Variants in VPS13C observed in about 807,000 individuals in gnomAD.
VPS13C encodes intermembrane lipid transfer protein VPS13C.
VPS13C carries 358 observed loss-of-function variants against 456.8 expected under a neutral mutation model. That is an observed-to-expected ratio of 0.78 (90% CI 0.72 to 0.86). VPS13C has a LOEUF of 0.86. VPS13C is among the 40% of genes least tolerant of loss of function. VPS13C has a pLI of 0.00. For synonymous variants in VPS13C, 1,578 were observed against 1,486.7 expected (o/e 1.06, Z -1.41); for missense variants, 4,818 against 4,385.4 (o/e 1.10, Z -2.79).
intron 53 of VPS13C, among the ~76,000 whole-genome samples, chr15:61,924,913 A>C (rs1312390400): frequency 6.6e-6 from 1 of 152,218 alleles, no homozygotes; most frequent in African/African-American, 2.4e-5. Flanking sequence ...CACGAGGTAT[A>C]CTTAAAGAAC....
chr15:61,983,923 G>A lies in VPS13C; in HGVS notation c.1811C>T (p.Thr604Ile), dbSNP rs759244477. The A allele has an allele frequency of 8.1e-6, 13 of 1,614,008 alleles. No homozygotes were observed. The highest frequency in any genetic ancestry group is 4.5e-5 in the East Asian group (2 of 44,882). The change falls in exon 20 of 85, where the codon ACA becomes ATA. Residue 604 changes from threonine to isoleucine, a missense_variant. Physicochemically the swap from Thr to Ile is moderately conservative, Grantham distance 89 (BLOSUM62 -1). Transcript: ENST00000644861. ...AAATTTAATTTTAAGCAAGGATGATGTAGTGTCACCAATTGAAGCCACAAG... is the reference window on the plus strand; with the variant it reads ...AAATTTAATTTTAAGCAAGGATGATATAGTGTCACCAATTGAAGCCACAAG... ...PSLVASIGDTTSSLLKIKFET... is the reference protein window; with the variant it reads ...PSLVASIGDTISSLLKIKFET...
intron 8 of VPS13C, 125 bp downstream of exon 8, chr15:62,023,286 T>C (rs1255392093): frequency 1.9e-6 from 1 of 513,804 alleles, no homozygotes; most frequent in East Asian, 3.5e-5. Flanking sequence ...GATATGGTAG[T>C]GTACTCATAA....
At chr15:62,038,464 G>A (rs535282056) in intron 3 of VPS13C, among the ~76,000 whole-genome samples, 189 of 152,132 alleles carry the variant, frequency 1.2e-3, no homozygotes, top group African/African-American at 4.2e-3. Context: ...TGACACACCC[G>A]TCGTTTCAGC....
chr15:61,871,751 CA>C (rs1895048765), intron 79 of VPS13C, among the ~76,000 whole-genome samples: 1 of 152,066 alleles, frequency 6.6e-6, no homozygotes, highest in South Asian at 2.1e-4. Flanking sequence ...AGGACCCAAA[CA>C]AATCTAGTTT....
At chr15:61,989,252 T>C (rs1472910444) in intron 18 of VPS13C, among the ~76,000 whole-genome samples, 2 of 150,992 alleles carry the variant, frequency 1.3e-5, no homozygotes, top group African/African-American at 4.9e-5. Context: ...TACAAAAAAT[T>C]AGCTGGGCAT....
At chr15:61,981,696 TAAAA>T (rs1049525416) in intron 21 of VPS13C, among the ~76,000 whole-genome samples, 3 of 151,760 alleles carry the variant, frequency 2.0e-5, no homozygotes, top group African/African-American at 4.8e-5. Flanking sequence ...CCGTCTGTAC[TAAAA>T]ATACAAAAAA....
At position 61,917,509 on chromosome 15, in the gene VPS13C, T is replaced by A; in HGVS notation, c.7887A>T (p.Ser2629=). 2.5e-6 allele frequency: 4 copies of A among 1,614,082 alleles called. No homozygotes were observed. Among genetic ancestry groups the A allele is most frequent in the Non-Finnish European group, 3.4e-6 (4 of 1,179,934 alleles). The part of the protein sequence containing the change: ...REVRCMLQCP[S]VEVSFLPLIV... The stretch of plus-strand genomic sequence containing the variant: ...TGAGAGGTAAGAAGCTGACTTCTAC[T>A]GATGGACACTGCAACATGCATCTGA... The change falls in exon 60 of 85, where the codon TCA becomes TCT. Residue 2629 remains serine (S), a synonymous_variant. Coordinates refer to ENST00000644861, the MANE Select transcript of VPS13C (RefSeq NM_020821.3).
rs182723726 is a variant in VPS13C at position 61,963,118 on chromosome 15, T to C, written c.3332-266A>G. Among the ~76,000 whole-genome samples the C allele has an allele frequency of 8.8e-4, 134 of 152,264 alleles. 1 individual carries two copies. The South Asian group carries it at 0.013, about 14-fold the overall frequency. On this transcript the variant is annotated intron_variant, in intron 32 of 84. Coordinates refer to ENST00000644861, the MANE Select transcript of VPS13C (RefSeq NM_020821.3). Reference sequence around the variant, plus strand: ...AGATTATCTCAGGATTTAAGTAAATTATCCTTTATACCTTATATCCAGTCA... The same window carrying C: ...AGATTATCTCAGGATTTAAGTAAATCATCCTTTATACCTTATATCCAGTCA...
chr15:61,996,896 C>CATATAT (rs1341252568), intron 16 of VPS13C, among the ~76,000 whole-genome samples: 30 of 129,412 alleles, frequency 2.3e-4, no homozygotes, highest in East Asian at 6.6e-4. Context: ...CACACACACA[C>CATATAT]ATATATATAT....
chr15:61,907,354 C>T lies in VPS13C; in HGVS notation c.9015G>A (p.Gln3005=). 1 of 1,614,044 alleles carries T rather than the reference C, an allele frequency of 6.2e-7. No individual in the cohort carries two copies. Among genetic ancestry groups the T allele is most frequent in the Non-Finnish European group, 8.5e-7 (1 of 1,179,902 alleles). Residue 3005 remains glutamine (Q), a synonymous_variant, in exon 66 of 85, where the codon CAG becomes CAA. Coordinates refer to ENST00000644861, the MANE Select transcript of VPS13C (RefSeq NM_020821.3). ...GATCTGCCCAGGCAAAAAGTCGAGCCTGTCTTGGCAGCAAGACCATTTCTT... is the reference window on the plus strand; with the variant it reads ...GATCTGCCCAGGCAAAAAGTCGAGCTTGTCTTGGCAGCAAGACCATTTCTT... ...SPEEMVLLPR[Q]ARLFAWADPT...
intron 5 of VPS13C, among the ~76,000 whole-genome samples, chr15:62,031,899 G>A (rs2047832584): frequency 6.6e-6 from 1 of 151,860 alleles, no homozygotes; most frequent in Non-Finnish European, 1.5e-5. Flanking sequence ...CAATTAAACT[G>A]TCAATCACGA....
In VPS13C at chr15:61,985,003, T is replaced by C. The variant is rs760790442; in HGVS notation, c.1579-4A>G. On this transcript the variant is annotated splice_region_variant and splice_polypyrimidine_tract_variant and intron_variant, in intron 18 of 84. Transcript: ENST00000644861. Reference sequence around the variant, plus strand: ...GGGTCATAATATGGGCAACATACTATACAGAAAGAATGAAATTAAAATTGT... The same window carrying C: ...GGGTCATAATATGGGCAACATACTACACAGAAAGAATGAAATTAAAATTGT... 2.1e-6 allele frequency: 3 copies of C among 1,431,266 alleles called. No homozygotes were observed. Among genetic ancestry groups the C allele is most frequent in the African/African-American group, 1.5e-5 (1 of 68,046 alleles). 88.7% of individuals were successfully genotyped at this position (1,431,266 alleles called of 1,614,324 possible).
chr15:62,026,433 C>G (rs1316372982), intron 6 of VPS13C, among the ~76,000 whole-genome samples: 1 of 152,026 alleles, frequency 6.6e-6, no homozygotes, highest in African/African-American at 2.4e-5. Flanking sequence ...TCTTAAAGTA[C>G]TACTGGGAAG....
chr15:61,884,685 T>G (rs989747192), intron 67 of VPS13C, among the ~76,000 whole-genome samples: 2 of 146,420 alleles, frequency 1.4e-5, no homozygotes, highest in Non-Finnish European at 3.0e-5. Flanking sequence ...AGTCTATTAA[T>G]GAAAAAAAAA....
chr15:61,983,130 T>A (rs1169058335), intron 20 of VPS13C, among the ~76,000 whole-genome samples: 1 of 152,132 alleles, frequency 6.6e-6, no homozygotes, highest in Admixed American at 6.6e-5. Context: ...ACAATTAAAA[T>A]TTTTTAATTA....
At chr15:62,012,838 G>A (rs528713083) in intron 11 of VPS13C, among the ~76,000 whole-genome samples, 31 of 152,040 alleles carry the variant, frequency 2.0e-4, no homozygotes, top group African/African-American at 7.2e-4. Flanking sequence ...CCCAGTGAAT[G>A]ATTTCACAAA....
chr15:61,950,567 A>G lies in VPS13C; in HGVS notation c.4537-150T>C, dbSNP rs13329334. On this transcript the variant is annotated intron_variant, in intron 40 of 84. Coordinates refer to ENST00000644861, the MANE Select transcript of VPS13C (RefSeq NM_020821.3). ...AAAGAAAGCCATTCAAAAAAAAAAA[A>G]CAAAAACAAACTGACCACATAAGCA... is the stretch of plus-strand genomic sequence containing the variant. 7.3e-4 allele frequency: 478 copies of G among 657,874 alleles called. 3 individuals are homozygous for G. The African/African-American group carries it at 7.5e-3, about 10-fold the overall frequency. 40.8% of individuals were successfully genotyped at this position (657,874 alleles called of 1,614,324 possible).
intron 6 of VPS13C, 73 bp from the exon 7 acceptor site, chr15:62,023,918 CAA>C: frequency 7.1e-7 from 1 of 1,410,760 alleles, no homozygotes; most frequent in Admixed American, 2.1e-5. Flanking sequence ...GAAAAGAAAA[CAA>C]GAGAATTTTT....
At chr15:62,040,363 G>C (rs1244045904) in intron 3 of VPS13C, among the ~76,000 whole-genome samples, 1 of 152,040 alleles carries the variant, frequency 6.6e-6, no homozygotes, top group Admixed American at 6.6e-5. Flanking sequence ...TACATTATTT[G>C]TAACACAAAG....
Sources: gnomAD v4.1 joint callset for allele counts (sites outside exome capture counted in the v4.1 genomes callset) on GRCh38, gnomAD v4.1.1 for gene constraint, MANE v1.5 for transcripts, NCBI Gene and HGNC (gene_info 2026-07-23, HGNC 2026-07-21) for gene names.